The following RBM6 variants were observed in gnomAD, a reference collection of about 807,000 sequenced individuals.
The protein encoded by RBM6 is RNA binding motif protein 6.
In RBM6, 23 loss-of-function variants were observed where a neutral mutation model predicts 140.4. That is an observed-to-expected ratio of 0.16 (90% CI 0.12 to 0.23). The LOEUF is 0.23. RBM6 is among the 10% of genes least tolerant of loss of function. The probability of loss-of-function intolerance (pLI) is 1.00; values close to 1 mark genes in which losing one functional copy is unlikely to be tolerated. For missense variants in RBM6, 1,139 were observed against 1,386.7 expected, an observed-to-expected ratio of 0.82 and a Z score of 2.84; for synonymous variants, 439 against 475.6, an observed-to-expected ratio of 0.92 and a Z score of 1.00.
At chr3:49,990,762 C>T (rs2085781195) in intron 5 of RBM6, among the ~76,000 whole-genome samples, 1 of 152,096 alleles carries the variant, frequency 6.6e-6, no homozygotes, top group Non-Finnish European at 1.5e-5. Context: ...TTTGCTTGAC[C>T]TGGCATTAAG....
In RBM6 at chr3:50,061,962, C is replaced by G; in HGVS notation, c.2440C>G (p.Gln814Glu). The change falls in exon 15 of 21, where the codon CAA becomes GAA. Residue 814 changes from glutamine (Q) to glutamate (E), a missense_variant and splice_region_variant. By Grantham distance (29) the Gln-to-Glu change is conservative. Around this residue, in one of 9 missense-constraint regions of RBM6, gnomAD observed 163 missense variants for 182.8 expected, o/e 0.89. Coordinates refer to ENST00000266022, the MANE Select transcript of RBM6 (RefSeq NM_005777.3). ...AGTYYDPNTQ[Q>E]EVYVPQDPGL... ...TTACTTGTTTCCAACTGTATCGCAGCAAGAAGTCTATGTGCCCCAGGATCC... is the reference window on the plus strand; with the variant it reads ...TTACTTGTTTCCAACTGTATCGCAGGAAGAAGTCTATGTGCCCCAGGATCC... The G allele has an allele frequency of 6.2e-7, 1 of 1,611,890 alleles. No individual in the cohort carries two copies. The highest frequency in any genetic ancestry group is 2.2e-5 in the East Asian group (1 of 44,856).
intron 5 of RBM6, among the ~76,000 whole-genome samples, chr3:49,979,079 A>G (rs540402289): frequency 6.6e-6 from 1 of 152,212 alleles, no homozygotes; most frequent in Non-Finnish European, 1.5e-5. Context: ...CTAGACTCAT[A>G]AGGATATATA....
chr3:50,045,082 T>G (rs1406151208), intron 6 of RBM6, among the ~76,000 whole-genome samples: 1 of 152,202 alleles, frequency 6.6e-6, no homozygotes, highest in Admixed American at 6.5e-5. Context: ...TTGTAACACA[T>G]GAGGTAAAAG....
chr3:49,945,413 A>T (rs2083444764), intron 1 of RBM6, among the ~76,000 whole-genome samples: 1 of 151,778 alleles, frequency 6.6e-6, no homozygotes, highest in Non-Finnish European at 1.5e-5. Context: ...TTTTTTGAGG[A>T]ACTGCCTTAC....
intron 15 of RBM6, among the ~76,000 whole-genome samples, chr3:50,062,989 G>A (rs1421396674): frequency 6.6e-6 from 1 of 150,612 alleles, no homozygotes; most frequent in Non-Finnish European, 1.5e-5. Flanking sequence ...AAACCCATGG[G>A]CTTAAGCAGT....
At chr3:49,988,206 G>A (rs531769168) in intron 5 of RBM6, among the ~76,000 whole-genome samples, 21 of 152,112 alleles carry the variant, frequency 1.4e-4, no homozygotes, top group Middle Eastern at 3.4e-3. Flanking sequence ...GTGTAGTGGC[G>A]CAGTCTCTTG....
chr3:50,060,646 T>G (rs997867942), intron 11 of RBM6, among the ~76,000 whole-genome samples: 3 of 143,000 alleles, frequency 2.1e-5, no homozygotes, highest in Non-Finnish European at 3.0e-5. Context: ...CCCAGCTACT[T>G]GGGAGGCTGA....
At chr3:50,065,298 G>T (rs1269056579) in intron 16 of RBM6, among the ~76,000 whole-genome samples, 172 bp downstream of exon 16, 1 of 152,156 alleles carries the variant, frequency 6.6e-6, no homozygotes, top group African/African-American at 2.4e-5. Flanking sequence ...AAAGTTTTCT[G>T]TCTGCTAATG....
At position 49,967,506 on chromosome 3, in the gene RBM6, C is replaced by G; in HGVS notation, c.81C>G (p.Asn27Lys). 6.2e-7 allele frequency: 1 copy of G among 1,614,022 alleles called. No homozygotes were observed. The highest frequency in any genetic ancestry group is 8.5e-7 in the Non-Finnish European group (1 of 1,179,942). ...SQEERFAPGW[N>K]RDYPPPPLKS... ...AAGAAAGGTTTGCTCCCGGGTGGAA[C>G]AGGGATTATCCTCCTCCTCCCCTTA... Residue 27 changes from asparagine to lysine, a missense_variant, in exon 3 of 21, where the codon AAC (asparagine) becomes AAG (lysine). Physicochemically the swap from Asn to Lys is moderately conservative, Grantham distance 94. Around this residue, in one of 9 missense-constraint regions of RBM6, gnomAD observed 566 missense variants for 612.7 expected, o/e 0.92. Transcript: ENST00000266022. The surrounding 1 kb of genome is among the most constrained non-coding windows in gnomAD (Gnocchi z 4.0).
intron 6 of RBM6, 63 bp downstream of exon 6, chr3:49,999,576 GGGTTT>G: frequency 7.4e-7 from 1 of 1,353,624 alleles, no homozygotes; most frequent in Non-Finnish European, 1.1e-6. Flanking sequence ...TGGGGAGGGA[GGGTTT>G]CAAATGATTT....
At chr3:50,064,068 G>A (rs1359797094) in intron 15 of RBM6, among the ~76,000 whole-genome samples, 2 of 151,902 alleles carry the variant, frequency 1.3e-5, no homozygotes, top group Non-Finnish European at 2.9e-5. Context: ...TGAGTAGCTG[G>A]GATATCAGGC....
rs2090129207 is a variant in RBM6 at position 50,066,584 on chromosome 3, T to C, written c.2943+82T>C. The C allele has an allele frequency of 3.3e-6, 5 of 1,512,562 alleles. No individual in the cohort carries two copies. In the East Asian group the frequency reaches 1.1e-4, roughly 34 times the overall value. 93.7% of individuals were successfully genotyped at this position (1,512,562 alleles called of 1,614,324 possible). On this transcript the variant is annotated intron_variant, in intron 17 of 20. Coordinates refer to ENST00000266022, the MANE Select transcript of RBM6 (RefSeq NM_005777.3). Reference sequence around the variant, plus strand: ...GGCTCATGCCTGTAATCCTAGCACTTTGGGAGGCCGAGGCGGGTGGATTGC... The same window carrying C: ...GGCTCATGCCTGTAATCCTAGCACTCTGGGAGGCCGAGGCGGGTGGATTGC...
chr3:50,047,076 G>GT, intron 6 of RBM6: 1 of 730,856 alleles, frequency 1.4e-6, no homozygotes, highest in South Asian at 6.2e-5. Flanking sequence ...TAAGACCTAG[G>GT]TAGATGGGCA....
chr3:50,066,037 G>C (rs563972644), intron 16 of RBM6, among the ~76,000 whole-genome samples: 2 of 152,072 alleles, frequency 1.3e-5, no homozygotes, highest in Admixed American at 1.3e-4. Context: ...ACTTCTAAAG[G>C]AATCTTTCTT....
In RBM6 at chr3:50,058,425, C is replaced by T. The variant is rs1009428422; in HGVS notation, c.1993C>T (p.Arg665Cys). Residue 665 changes from arginine to cysteine, a missense_variant, in exon 10 of 21, where the codon CGT becomes TGT. Around this residue, in one of 9 missense-constraint regions of RBM6, gnomAD observed 47 missense variants for 117.6 expected, o/e 0.40. Transcript: ENST00000266022. ...SKTIMLKRIYRSTPPEVIVEV... is the reference protein window; with the variant it reads ...SKTIMLKRIYCSTPPEVIVEV... Reference sequence around the variant, plus strand: ...AGCTATCATGCTAAAGCGTATCTATCGTTCCACACCACCTGAGGTGATAGT... The same window carrying T: ...AGCTATCATGCTAAAGCGTATCTATTGTTCCACACCACCTGAGGTGATAGT... 4.3e-6 allele frequency: 7 copies of T among 1,610,328 alleles called. No homozygotes were observed. Among genetic ancestry groups the T allele is most frequent in the African/African-American group, 1.3e-5 (1 of 74,836 alleles).
chr3:49,945,904 A>G (rs1048703742), intron 1 of RBM6, among the ~76,000 whole-genome samples: 22 of 150,242 alleles, frequency 1.5e-4, no homozygotes, highest in African/African-American at 5.1e-4. Context: ...AAAAAAAAAA[A>G]AAGAAGATAT....
At chr3:50,022,855 T>C (rs547790408) in intron 6 of RBM6, among the ~76,000 whole-genome samples, 171 of 152,202 alleles carry the variant, frequency 1.1e-3, no homozygotes, top group Non-Finnish European at 2.0e-3. Context: ...TCCCAGCACG[T>C]TGGGAAGCTG....
intron 6 of RBM6, among the ~76,000 whole-genome samples, chr3:50,043,340 C>G (rs111382624): frequency 0.079 from 11,967 of 151,538 alleles, 519 homozygotes; most frequent in African/African-American, 0.1. Context: ...AAAATTATCC[C>G]GGTGTAGTGG....
At chr3:50,024,750 A>C (rs547239414) in intron 6 of RBM6, among the ~76,000 whole-genome samples, 1 of 152,226 alleles carries the variant, frequency 6.6e-6, no homozygotes, top group Non-Finnish European at 1.5e-5. Flanking sequence ...TCAGGAGATC[A>C]AGACCATCCT....
Sources: gnomAD v4.1 joint callset for allele counts (sites outside exome capture counted in the v4.1 genomes callset) on GRCh38, gnomAD v4.1.1 for gene constraint, gnomAD v4.1.1 regional missense constraint, Gnocchi (gnomAD v3.1) non-coding constraint, MANE v1.5 for transcripts, NCBI Gene and HGNC (gene_info 2026-07-23, HGNC 2026-07-21) for gene names.